ROR1: variants seen among roughly 807,000 people sequenced by gnomAD.
ROR1 encodes inactive tyrosine-protein kinase transmembrane receptor ROR1.
ROR1 carries 19 observed loss-of-function variants against 78.8 expected under a neutral mutation model. That is an observed-to-expected ratio of 0.24 (90% CI 0.17 to 0.35). ROR1 has a LOEUF of 0.35. Among genes scored for constraint, ROR1 ranks in the 10% least tolerant of loss-of-function variants. ROR1 has a pLI of 1.00. For synonymous variants in ROR1, 386 were observed against 433.6 expected (o/e 0.89, Z 1.36); for missense variants, 917 against 1,177.8 (o/e 0.78, Z 3.24).
At chr1:63,984,012 C>G (rs1051476391) in intron 1 of ROR1, among the ~76,000 whole-genome samples, 10 of 152,130 alleles carry the variant, frequency 6.6e-5, no homozygotes, top group Admixed American at 2.6e-4. Flanking sequence ...CTAAACACAC[C>G]TCGACCTGTT....
intron 4 of ROR1, among the ~76,000 whole-genome samples, chr1:64,110,330 A>C (rs1446686941): frequency 2.0e-5 from 3 of 152,194 alleles, no homozygotes; most frequent in Non-Finnish European, 4.4e-5. Flanking sequence ...CACTAGAGGC[A>C]AGTACTTCCT....
intron 1 of ROR1, among the ~76,000 whole-genome samples, chr1:63,896,728 A>G (rs796352320): frequency 1.3e-5 from 2 of 148,878 alleles, no homozygotes; most frequent in South Asian, 4.3e-4. Context: ...GAAAATGTAG[A>G]CTCGTGTGTG....
chr1:64,023,369 A>G (rs1646580905), intron 2 of ROR1, among the ~76,000 whole-genome samples: 1 of 152,148 alleles, frequency 6.6e-6, no homozygotes, highest in African/African-American at 2.4e-5. Flanking sequence ...CTCAGAATCC[A>G]GCTAAACAGC....
intron 4 of ROR1, among the ~76,000 whole-genome samples, chr1:64,054,744 G>T (rs1178315238): frequency 6.6e-6 from 1 of 152,064 alleles, no homozygotes; most frequent in East Asian, 1.9e-4. Context: ...ATTTTCTTGG[G>T]CTGCTGGAAA....
intron 1 of ROR1, among the ~76,000 whole-genome samples, chr1:64,001,635 C>T (rs1646383854): frequency 6.6e-6 from 1 of 152,154 alleles, no homozygotes; most frequent in Admixed American, 6.5e-5. Context: ...CACCCAAGTC[C>T]TGAATGGACT....
intron 1 of ROR1, among the ~76,000 whole-genome samples, chr1:63,938,576 A>T (rs1645811441): frequency 6.6e-6 from 1 of 152,186 alleles, no homozygotes; most frequent in East Asian, 1.9e-4. Flanking sequence ...GAGTTGCTTC[A>T]CAAATACTGA....
chr1:64,098,054 G>T (rs1038196156), intron 4 of ROR1, among the ~76,000 whole-genome samples: 6 of 152,064 alleles, frequency 3.9e-5, no homozygotes, highest in African/African-American at 1.4e-4. Flanking sequence ...CCTGGATCAT[G>T]TGCTTGTCAC....
At chr1:63,958,302 T>G (rs900722272) in intron 1 of ROR1, among the ~76,000 whole-genome samples, 4 of 152,188 alleles carry the variant, frequency 2.6e-5, no homozygotes, top group Admixed American at 2.6e-4. Flanking sequence ...ACTTATTCTT[T>G]TTTGTGAGTC....
intron 7 of ROR1, among the ~76,000 whole-genome samples, chr1:64,149,851 G>C (rs145522901): frequency 1.4e-4 from 21 of 152,244 alleles, no homozygotes; most frequent in Non-Finnish European, 2.6e-4. Context: ...CTTTATCATT[G>C]CTTTTCTATG....
rs1043593692 is a variant in ROR1 at position 63,834,865 on chromosome 1, C to T, written c.91+60357C>T. Among the ~76,000 whole-genome samples the T allele has an allele frequency of 4.6e-5, 7 of 152,036 alleles. No homozygotes were observed. In the East Asian group the frequency reaches 5.8e-4, roughly 13 times the overall value. On this transcript the variant is annotated intron_variant, in intron 1 of 8. Coordinates refer to ENST00000371079, the MANE Select transcript of ROR1 (RefSeq NM_005012.4). ...AGGAATTGGTCTGCACTGCCATTAC[C>T]GCCAGCCACTACCTGATCAATTCTG... is the stretch of plus-strand genomic sequence containing the variant.
intron 5 of ROR1, among the ~76,000 whole-genome samples, chr1:64,139,606 T>C (rs528850852): frequency 6.6e-6 from 1 of 152,332 alleles, no homozygotes; most frequent in African/African-American, 2.4e-5. Context: ...TTTCAGAAGA[T>C]GGAGTAGAAA....
At chr1:63,865,632 T>A (rs1236067405) in intron 1 of ROR1, among the ~76,000 whole-genome samples, 1 of 152,242 alleles carries the variant, frequency 6.6e-6, no homozygotes, top group Non-Finnish European at 1.5e-5. Context: ...CATGTTTATA[T>A]GTTTCACTCT....
intron 1 of ROR1, among the ~76,000 whole-genome samples, chr1:63,917,405 ATTT>A (rs1293451136): frequency 6.6e-6 from 1 of 152,198 alleles, no homozygotes; most frequent in Non-Finnish European, 1.5e-5. Context: ...GCCACTTTCC[ATTT>A]TTTGGCATAT....
chr1:63,822,500 A>G (rs775112842), intron 1 of ROR1, among the ~76,000 whole-genome samples: 3 of 152,244 alleles, frequency 2.0e-5, no homozygotes, highest in African/African-American at 4.8e-5. Context: ...AAGAGCAAAG[A>G]TGTAAAAAGA....
chr1:64,063,755 A>T (rs1302166834), intron 4 of ROR1, among the ~76,000 whole-genome samples: 3 of 151,752 alleles, frequency 2.0e-5, no homozygotes, highest in Non-Finnish European at 4.4e-5. Flanking sequence ...TCCACCTTAG[A>T]CTCACCCAGG....
chr1:63,903,455 A>T, intron 1 of ROR1, among the ~76,000 whole-genome samples: 1 of 150,198 alleles, frequency 6.7e-6, no homozygotes. Flanking sequence ...TACCCACTTC[A>T]CTGATTTTAT....
At chr1:64,160,381 T>C (rs1200672106) in intron 8 of ROR1, among the ~76,000 whole-genome samples, 1 of 152,120 alleles carries the variant, frequency 6.6e-6, no homozygotes, top group African/African-American at 2.4e-5. Context: ...TTGGAATTCC[T>C]TAAATGCTAA....
chr1:64,054,126 G>C (rs953381600), intron 4 of ROR1, among the ~76,000 whole-genome samples: 2 of 152,044 alleles, frequency 1.3e-5, no homozygotes, highest in South Asian at 4.2e-4. Context: ...GCAAATTTTT[G>C]TATGTTTTAC....
At chr1:63,907,323 G>A (rs545859170) in intron 1 of ROR1, among the ~76,000 whole-genome samples, 133 of 152,268 alleles carry the variant, frequency 8.7e-4, no homozygotes, top group African/African-American at 3.1e-3. Flanking sequence ...CTTAAGCCAG[G>A]CAAATTACTT....
Sources: gnomAD v4.1 joint callset for allele counts (sites outside exome capture counted in the v4.1 genomes callset) on GRCh38, gnomAD v4.1.1 for gene constraint, MANE v1.5 for transcripts, NCBI Gene and HGNC (gene_info 2026-07-23, HGNC 2026-07-21) for gene names.